The following CACNA1H variants were observed in gnomAD, a reference collection of about 807,000 sequenced individuals.
The protein encoded by CACNA1H is calcium voltage-gated channel subunit alpha1 H.
CACNA1H carries 149 observed loss-of-function variants against 192.5 expected under a neutral mutation model. That is an observed-to-expected ratio of 0.77 (90% CI 0.68 to 0.89). The LOEUF (loss-of-function observed/expected upper bound fraction) is 0.89. CACNA1H is among the 40% of genes least tolerant of loss of function. The pLI is 0.00. For missense variants in CACNA1H, 4,257 were observed against 3,423.5 expected (o/e 1.24, Z -6.08); for synonymous variants, 2,202 against 1,475.2 (o/e 1.49, Z -11.29).
At chr16:1,162,951 C>T (rs954485093) in intron 2 of CACNA1H, among the ~76,000 whole-genome samples, 2 of 152,250 alleles carry the variant, frequency 1.3e-5, no homozygotes, top group Non-Finnish European at 2.9e-5. Context: ...GTGCCTGGCC[C>T]TGCGGCCACG....
chr16:1,208,149 CCCCAGCCT>C lies in CACNA1H; in HGVS notation c.3297_3304del (p.Ser1099ArgfsTer63). The C allele has an allele frequency of 1.3e-6, 2 of 1,580,724 alleles. No homozygotes were observed. The highest frequency in any genetic ancestry group is 1.7e-6 in the Non-Finnish European group (2 of 1,164,940). On this transcript the variant is annotated frameshift_variant, in exon 16 of 35. Coordinates refer to ENST00000348261, the MANE Select transcript of CACNA1H (RefSeq NM_021098.3). LOFTEE classifies it high-confidence loss of function. Reference sequence around the variant, plus strand: ...AGAGCTCACCATTCCTGGATGCAGCCCCCAGCCTCCCAGACTCTCGGCGTGGCAGCAGC... The same window carrying C: ...AGAGCTCACCATTCCTGGATGCAGCCCCCAGACTCTCGGCGTGGCAGCAGC...
rs1370572789 is a variant in CACNA1H at position 1,180,329 on chromosome 16, G to C, written c.300-14643G>C. On this transcript the variant is annotated intron_variant, in intron 2 of 34. Coordinates refer to ENST00000348261, the MANE Select transcript of CACNA1H (RefSeq NM_021098.3). This position sits in a 1 kb window ranked among gnomAD's most constrained non-coding sequence, Gnocchi z 4.4. The stretch of plus-strand genomic sequence containing the variant: ...GCGAGAGGGACTCGGGCTGCTGTGG[G>C]CTGGGGAGGACGGTCCCATAGCTGG... Among the ~76,000 whole-genome samples, 1 of 152,250 alleles carries C rather than the reference G, an allele frequency of 6.6e-6. No homozygotes were observed. The highest frequency in any genetic ancestry group is 1.5e-5 in the Non-Finnish European group (1 of 68,042).
At position 1,211,312 on chromosome 16, in the gene CACNA1H, G is replaced by GC; in HGVS notation, c.4350+21dup. On this transcript the variant is annotated intron_variant, in intron 22 of 34. Coordinates refer to ENST00000348261, the MANE Select transcript of CACNA1H (RefSeq NM_021098.3). ...GTGTGCAGGTGTGTGGCCCCCACGT[G>GC]CCCGGGGGTCTGCCCCGTCGCAGAC... 6.2e-7 allele frequency: 1 copy of GC among 1,612,700 alleles called. No individual in the cohort carries two copies. Among genetic ancestry groups the GC allele is most frequent in the Non-Finnish European group, 8.5e-7 (1 of 1,179,582 alleles).
At position 1,220,978 on chromosome 16, in the gene CACNA1H, C is replaced by T. The variant is rs1341466891; in HGVS notation, c.7046C>T (p.Ala2349Val). 4 of 1,592,244 alleles carry T rather than the reference C, an allele frequency of 2.5e-6. No homozygotes were observed. Among genetic ancestry groups the T allele is most frequent in the Non-Finnish European group, 3.4e-6 (4 of 1,170,114 alleles). ...GCCACCCCTGCCCCAGGGGGTGGTG[C>T]AGATGACCCCGTGTAGCTCGGGGCT... ...PSATPAPGGG[A>V]DDPV The change falls in exon 35 of 35, where the codon GCA becomes GTA. Residue 2349 changes from alanine to valine, a missense_variant. Physicochemically the swap from Ala to Val is moderately conservative, Grantham distance 64 (BLOSUM62 0). Coordinates refer to ENST00000348261, the MANE Select transcript of CACNA1H (RefSeq NM_021098.3).
rs1402646077 is a variant in CACNA1H at position 1,162,190 on chromosome 16, C to G, written c.299+8154C>G. 2.6e-5 allele frequency among the ~76,000 whole-genome samples: 4 copies of G among 152,132 alleles called. No individual in the cohort carries two copies. In the East Asian group the frequency reaches 7.7e-4, roughly 29 times the overall value. On this transcript the variant is annotated intron_variant, in intron 2 of 34. Transcript: ENST00000348261. ...TCCTGTCAGCCCCATGACCCCTCGC[C>G]CTGGGCCTCTGGCCTCCAGAGCCCC...
Position 1,210,976 on chromosome 16 carries a change from GGGGCTCCCCGT to G in CACNA1H, c.4223+14_4223+24del, listed in dbSNP as rs765827338. On this transcript the variant is annotated splice_donor_region_variant and intron_variant, in intron 21 of 34. Transcript: ENST00000348261. ...GCGGACCCTGCGGCCTCTGAGGTGG[GGGGCTCCCCGT>G]GGGCTCCCGGGGCAACCTGGAAGCA... The G allele has an allele frequency of 4.4e-6, 7 of 1,592,322 alleles. No individual in the cohort carries two copies. Among genetic ancestry groups the G allele is most frequent in the Admixed American group, 3.3e-5 (2 of 59,824 alleles).
At chr16:1,201,157 T>C (rs986507606) in intron 8 of CACNA1H, among the ~76,000 whole-genome samples, 14 of 151,818 alleles carry the variant, frequency 9.2e-5, no homozygotes, top group African/African-American at 3.1e-4. Context: ...CCTGGCAGAG[T>C]TGGGTTAATC....
At position 1,210,905 on chromosome 16, in the gene CACNA1H, C is replaced by T. The variant is rs1413075945; in HGVS notation, c.4157C>T (p.Ala1386Val). 8.1e-6 allele frequency: 13 copies of T among 1,604,012 alleles called. No individual in the cohort carries two copies. Among genetic ancestry groups the T allele is most frequent in the Non-Finnish European group, 1.1e-5 (13 of 1,179,720 alleles). ...GACATTGTCGTGGCCATGGCCTCGG[C>T]TGGTGGCGCCAAGATCCTGGGTGTT... ...LVDIVVAMAS[A>V]GGAKILGVLR... The change falls in exon 21 of 35, where the codon GCT becomes GTT. Residue 1386 changes from alanine to valine, a missense_variant. Ala to Val is a moderately conservative substitution (Grantham distance 64). Coordinates refer to ENST00000348261, the MANE Select transcript of CACNA1H (RefSeq NM_021098.3).
intron 5 of CACNA1H, among the ~76,000 whole-genome samples, chr16:1,197,860 G>C (rs762731947): frequency 7.4e-4 from 112 of 152,302 alleles, no homozygotes; most frequent in Non-Finnish European, 1.2e-3. Context: ...CGTCTTGGGG[G>C]AGCAGGCCCA....
chr16:1,220,908 C>G lies in CACNA1H; in HGVS notation c.6976C>G (p.Leu2326Val). Reference protein sequence around the residue: ...DPPEKRRGLYLTVPQCPLEKP... With the variant: ...DPPEKRRGLYVTVPQCPLEKP... ...CCCAGAGAAGAGGCGGGGGCTGTAC[C>G]TCACAGTCCCCCAGTGTCCTCTGGA... is the stretch of plus-strand genomic sequence containing the variant. The change falls in exon 35 of 35, where the codon CTC becomes GTC. Residue 2326 changes from leucine to valine, a missense_variant. Coordinates refer to ENST00000348261, the MANE Select transcript of CACNA1H (RefSeq NM_021098.3). 6.2e-7 allele frequency: 1 copy of G among 1,610,718 alleles called. No homozygotes were observed. The highest frequency in any genetic ancestry group is 8.5e-7 in the Non-Finnish European group (1 of 1,178,164).
At chr16:1,210,745 C>T (rs563068916) in intron 20 of CACNA1H, 42 bp from the exon 21 acceptor site, 16 of 1,592,200 alleles carry the variant, frequency 1.0e-5, no homozygotes, top group Admixed American at 8.5e-5. Flanking sequence ...CCCCAGACCC[C>T]CCACGCCTGA....
At chr16:1,206,560 C>CG (rs920914977) in intron 12 of CACNA1H, 26 of 501,710 alleles carry the variant, frequency 5.2e-5, no homozygotes, top group South Asian at 1.0e-4. Context: ...AGCAGAATAC[C>CG]GGGGGTGGGG....
chr16:1,214,749 G>C (rs914318937), intron 27 of CACNA1H, among the ~76,000 whole-genome samples: 1 of 152,256 alleles, frequency 6.6e-6, no homozygotes, highest in East Asian at 1.9e-4. Context: ...TGCTGGGAGG[G>C]TACCTTTCAC....
At position 1,211,240 on chromosome 16, in the gene CACNA1H, C is replaced by T. The variant is rs1969409845; in HGVS notation, c.4296C>T (p.Asn1432=). The T allele has an allele frequency of 3.7e-6, 6 of 1,613,000 alleles. No individual in the cohort carries two copies. The highest frequency in any genetic ancestry group is 2.7e-5 in the African/African-American group (2 of 74,940). ...TLISSLRPIG[N]IVLICCAFFI... is the part of the protein sequence containing the mutation. ...TATCATCACTCAGGCCCATTGGGAA[C>T]ATCGTCCTCATCTGCTGCGCCTTCT... The change falls in exon 22 of 35, where the codon AAC becomes AAT. Residue 1432 remains asparagine, a synonymous_variant. Coordinates refer to ENST00000348261, the MANE Select transcript of CACNA1H (RefSeq NM_021098.3).
Position 1,204,037 on chromosome 16 carries a change from C to A in CACNA1H, c.2030C>A (p.Ser677Ter). ...CTGGGCCAGGCCCCTGGCCATCTGT[C>A]GGGCCTCAGTGTGCCCTGCCCCCTG... Reference protein sequence around the residue: ...HGLGQAPGHLSGLSVPCPLPS... With the variant: ...HGLGQAPGHL Residue 677 changes from serine to a stop codon, truncating the protein, a stop_gained, in exon 10 of 35, where the codon TCG becomes TAG. Transcript: ENST00000348261. LOFTEE classifies it high-confidence loss of function. The A allele has an allele frequency of 1.3e-6, 2 of 1,570,902 alleles. No individual in the cohort carries two copies. The highest frequency in any genetic ancestry group is 1.7e-6 in the Non-Finnish European group (2 of 1,158,966).
At chr16:1,169,026 G>A (rs764156530) in intron 2 of CACNA1H, among the ~76,000 whole-genome samples, 3 of 152,106 alleles carry the variant, frequency 2.0e-5, no homozygotes, top group Admixed American at 6.5e-5. Context: ...TTACGAGTGC[G>A]TGGGCTCGGG....
chr16:1,207,566 G>C (rs762148325), intron 14 of CACNA1H, 136 bp downstream of exon 14: 110 of 1,107,996 alleles, frequency 9.9e-5, no homozygotes, highest in Non-Finnish European at 1.4e-4. Flanking sequence ...ATGAGGAGAG[G>C]GGAGGCCAGG....
intron 2 of CACNA1H, among the ~76,000 whole-genome samples, chr16:1,187,887 TCTGTC>T (rs1240535556): frequency 6.6e-6 from 1 of 152,192 alleles, no homozygotes; most frequent in Non-Finnish European, 1.5e-5. Context: ...TGTAGAAACA[TCTGTC>T]CTGACCTTCC....
Position 1,220,817 on chromosome 16 carries a change from C to T in CACNA1H, c.6885C>T (p.Ser2295=), listed in dbSNP as rs1054754903. The part of the protein sequence containing the change: ...SHSVTPESRA[S]SSGAIVPLEP... ...GTGTGACCCCAGAATCCAGAGCTTC[C>T]TCTTCAGGGGCCATAGTGCCCCTGG... The change falls in exon 35 of 35, where the codon TCC becomes TCT. Residue 2295 remains serine (S), a synonymous_variant. Transcript: ENST00000348261. 2 of 1,612,838 alleles carry T rather than the reference C, an allele frequency of 1.2e-6. No individual in the cohort carries two copies. The highest frequency in any genetic ancestry group is 1.7e-6 in the Non-Finnish European group (2 of 1,179,808).
Sources: gnomAD v4.1 joint callset for allele counts (sites outside exome capture counted in the v4.1 genomes callset) on GRCh38, gnomAD v4.1.1 for gene constraint, Gnocchi (gnomAD v3.1) non-coding constraint, MANE v1.5 for transcripts, NCBI Gene and HGNC (gene_info 2026-07-23, HGNC 2026-07-21) for gene names.